HEATR5A: variants seen among roughly 807,000 people sequenced by gnomAD.
HEATR5A encodes HEAT repeat containing 5A, also known as HEAT repeat-containing protein 5A.
In HEATR5A, 178 loss-of-function variants were observed where a neutral mutation model predicts 218.8. That is an observed-to-expected ratio of 0.81 (90% CI 0.72 to 0.92). The LOEUF (loss-of-function observed/expected upper bound fraction) is 0.92. HEATR5A is among the 40% of genes least tolerant of loss of function. The pLI, the probability that HEATR5A is intolerant of heterozygous loss-of-function variation, is 0.00. For synonymous variants in HEATR5A, 864 were observed against 871.6 expected (o/e 0.99, Z 0.15); for missense variants, 2,420 against 2,418.9 (o/e 1.00, Z -0.01).
intron 13 of HEATR5A, among the ~76,000 whole-genome samples, chr14:31,367,569 ATTTTTTTTT>A (rs567217496): frequency 1.7e-4 from 10 of 60,320 alleles, no homozygotes; most frequent in African/African-American, 3.7e-4. Flanking sequence ...TGCCCAGCTA[ATTTTTTTTT>A]TTTTTTTTTT....
At chr14:31,407,070 G>T (rs1159772808) in intron 1 of HEATR5A, among the ~76,000 whole-genome samples, 1 of 151,354 alleles carries the variant, frequency 6.6e-6, no homozygotes, top group African/African-American at 2.4e-5. Context: ...CAGGAGGGTT[G>T]CTTGAGCCCA....
At chr14:31,331,697 T>A (rs543047547) in intron 22 of HEATR5A, among the ~76,000 whole-genome samples, 2 of 152,294 alleles carry the variant, frequency 1.3e-5, no homozygotes, top group East Asian at 3.9e-4. Context: ...TTTAATTGAC[T>A]CACAATTCTG....
intron 22 of HEATR5A, among the ~76,000 whole-genome samples, chr14:31,326,550 T>C (rs1485830863): frequency 6.6e-6 from 1 of 152,238 alleles, no homozygotes; most frequent in Non-Finnish European, 1.5e-5. Context: ...TTTTATGTAA[T>C]GTCACTGAAA....
Position 31,370,745 on chromosome 14 carries a change from C to T in HEATR5A, c.1961+1065G>A, listed in dbSNP as rs76817679. ...CACACAATTAAATATTATACAGCAACGAAAATGAATGAACTTAAAACATAG... is the reference window on the plus strand; with the variant it reads ...CACACAATTAAATATTATACAGCAATGAAAATGAATGAACTTAAAACATAG... On this transcript the variant is annotated intron_variant, in intron 13 of 35. Transcript: ENST00000543095. Among the ~76,000 whole-genome samples the T allele has an allele frequency of 7.9e-3, 1,194 of 152,030 alleles. 14 individuals carry two copies. The highest frequency in any genetic ancestry group is 0.027 in the African/African-American group (1,124 of 41,462).
At chr14:31,390,599 C>G (rs534013433) in intron 6 of HEATR5A, among the ~76,000 whole-genome samples, 3 of 152,222 alleles carry the variant, frequency 2.0e-5, no homozygotes, top group African/African-American at 7.2e-5. Flanking sequence ...TCTTCAATGA[C>G]AGAGATCACA....
Position 31,345,276 on chromosome 14 carries a change from T to G in HEATR5A, c.2869A>C (p.Thr957Pro). The G allele has an allele frequency of 6.3e-7, 1 of 1,595,918 alleles. No individual in the cohort carries two copies. Among genetic ancestry groups the G allele is most frequent in the Non-Finnish European group, 8.5e-7 (1 of 1,172,526 alleles). ...AQDSTSPDVQ[T>P]WALHSLSLII... ...AATGATAGAGAATGTAATGCCCAGG[T>G]CTGTAATGACAAAGAAAAACAATTA... The change falls in exon 20 of 36, where the codon ACC becomes CCC. Residue 957 changes from threonine to proline, a missense_variant and splice_region_variant. Thr to Pro is a conservative substitution (Grantham distance 38). Coordinates refer to ENST00000543095, the MANE Select transcript of HEATR5A (RefSeq NM_015473.4).
chr14:31,347,003 T>A (rs1422803116), intron 19 of HEATR5A, among the ~76,000 whole-genome samples: 3 of 152,332 alleles, frequency 2.0e-5, no homozygotes, highest in African/African-American at 7.2e-5. Flanking sequence ...GTGTTCTTGA[T>A]CTGATTCCAT....
At chr14:31,348,576 T>C (rs1287207483) in intron 18 of HEATR5A, among the ~76,000 whole-genome samples, 2 of 152,138 alleles carry the variant, frequency 1.3e-5, no homozygotes, top group African/African-American at 4.8e-5. Flanking sequence ...GAGCAAGACG[T>C]TGTATCGAAA....
chr14:31,311,453 C>G (rs911735495), intron 28 of HEATR5A, among the ~76,000 whole-genome samples: 2 of 151,786 alleles, frequency 1.3e-5, no homozygotes, highest in Non-Finnish European at 2.9e-5. Context: ...GCTCTGTCAC[C>G]CAGGCTGGAG....
intron 25 of HEATR5A, among the ~76,000 whole-genome samples, chr14:31,320,795 G>A (rs1555367280): frequency 6.6e-6 from 1 of 151,974 alleles, no homozygotes; most frequent in Non-Finnish European, 1.5e-5. Context: ...TCCCTATGAT[G>A]CCCAGACTGG....
At chr14:31,371,937 G>A in intron 12 of HEATR5A, 28 bp from the exon 13 acceptor site, 4 of 1,160,686 alleles carry the variant, frequency 3.4e-6, no homozygotes, top group Non-Finnish European at 5.0e-6. Flanking sequence ...CTTTTACTTG[G>A]GCATACTGTA....
At chr14:31,313,221 T>C in intron 27 of HEATR5A, 31 bp from the exon 28 acceptor site, 1 of 1,515,630 alleles carries the variant, frequency 6.6e-7, no homozygotes. Context: ...AACAGGAAAA[T>C]CTTTTATCTG....
At chr14:31,407,825 A>T (rs2031135722) in intron 1 of HEATR5A, among the ~76,000 whole-genome samples, 1 of 152,194 alleles carries the variant, frequency 6.6e-6, no homozygotes, top group Non-Finnish European at 1.5e-5. Context: ...ACAGGGTTTC[A>T]CCATGTTGGT....
At chr14:31,368,366 A>C (rs1901882981) in intron 13 of HEATR5A, among the ~76,000 whole-genome samples, 1 of 152,180 alleles carries the variant, frequency 6.6e-6, no homozygotes, top group Non-Finnish European at 1.5e-5. Flanking sequence ...TTAATAAATT[A>C]TCCAGCCTCA....
chr14:31,399,550 C>T (rs576977236), intron 3 of HEATR5A, among the ~76,000 whole-genome samples: 30 of 152,254 alleles, frequency 2.0e-4, no homozygotes, highest in African/African-American at 7.2e-4. Flanking sequence ...GACATGGTGG[C>T]CAGGTGCAAT....
intron 22 of HEATR5A, among the ~76,000 whole-genome samples, chr14:31,330,631 A>C (rs774332350): frequency 4.0e-5 from 6 of 151,866 alleles, no homozygotes; most frequent in Non-Finnish European, 8.8e-5. Flanking sequence ...TCTACTAAAA[A>C]ATACAACAAA....
chr14:31,336,996 A>G lies in HEATR5A; in HGVS notation c.3367+480T>C, dbSNP rs1189861294. ...AGAACAAGTTACTGTACTGGATACT[A>G]TAGGCAATTATAACACAATGGTAAA... On this transcript the variant is annotated intron_variant, in intron 22 of 35. Transcript: ENST00000543095. 2.6e-5 allele frequency among the ~76,000 whole-genome samples: 4 copies of G among 152,222 alleles called. No individual in the cohort carries two copies. In the South Asian group the frequency reaches 8.3e-4, roughly 32 times the overall value.
chr14:31,342,140 A>T (rs1900860882), intron 21 of HEATR5A, among the ~76,000 whole-genome samples: 1 of 152,154 alleles, frequency 6.6e-6, no homozygotes, highest in Non-Finnish European at 1.5e-5. Context: ...TAATCCCAGC[A>T]CTTTGTGGGG....
intron 1 of HEATR5A, among the ~76,000 whole-genome samples, chr14:31,417,000 G>A (rs2031473281): frequency 6.6e-6 from 1 of 152,024 alleles, no homozygotes; most frequent in Non-Finnish European, 1.5e-5. Flanking sequence ...CTACTCAGAG[G>A]CTGAGGTAGA....
Sources: allele counts gnomAD v4.1 joint callset (sites outside exome capture counted in the v4.1 genomes callset), GRCh38; gene constraint gnomAD v4.1.1; transcripts MANE v1.5; gene names NCBI Gene and HGNC (gene_info 2026-07-23, HGNC 2026-07-21).